The following PARD3B variants were observed in gnomAD, a reference collection of about 807,000 sequenced individuals.
PARD3B encodes the protein partitioning defective 3 homolog B.
Under a neutral mutation model 130.2 loss-of-function variants are expected in PARD3B, and 103 were observed. The ratio of observed to expected loss-of-function variants is 0.79; its 90% CI spans 0.67 to 0.93. The LOEUF (loss-of-function observed/expected upper bound fraction) is 0.93. Ranked by LOEUF, PARD3B falls within the 40% of genes least tolerant of loss-of-function variation. PARD3B has a pLI of 0.00. For synonymous variants in PARD3B, 583 were observed against 553.2 expected, an observed-to-expected ratio of 1.05 and a Z score of -0.76; for missense variants, 1,609 against 1,499.2, an observed-to-expected ratio of 1.07 and a Z score of -1.21.
Position 205,264,861 on chromosome 2 carries a change from T to A in PARD3B, c.2185+19039T>A, listed in dbSNP as rs1267332902. ...AATTTTTCTTGTTATTTGAAAATACTTTTTTTTACACACATACATATAAAT... is the reference window on the plus strand; with the variant it reads ...AATTTTTCTTGTTATTTGAAAATACATTTTTTTACACACATACATATAAAT... On this transcript the variant is annotated intron_variant, in intron 16 of 22. Coordinates refer to ENST00000406610, the MANE Select transcript of PARD3B (RefSeq NM_001302769.2). Among the ~76,000 whole-genome samples the A allele has an allele frequency of 1.3e-5, 2 of 150,890 alleles. 1 individual carries two copies. The highest frequency in any genetic ancestry group is 3.0e-5 in the Non-Finnish European group (2 of 67,552).
rs1396526555 is a variant in PARD3B, at chr2:205,288,398, C to A, written c.2186-12132C>A. Among the ~76,000 whole-genome samples the A allele has an allele frequency of 6.6e-6, 1 of 152,122 alleles. No homozygotes were observed. Among genetic ancestry groups the A allele is most frequent in the Non-Finnish European group, 1.5e-5 (1 of 68,010 alleles). On this transcript the variant is annotated intron_variant, in intron 16 of 22. Coordinates refer to ENST00000406610, the MANE Select transcript of PARD3B (RefSeq NM_001302769.2). The surrounding 1 kb of genome is among the most constrained non-coding windows in gnomAD (Gnocchi z 4.0). ...TGAAATTGTAAAAAGAAAGGAAGAG[C>A]AAGAGATTTTATTAGCAATGAGTTC...
At chr2:204,915,181 G>A (rs1205234789) in intron 2 of PARD3B, among the ~76,000 whole-genome samples, 1 of 152,122 alleles carries the variant, frequency 6.6e-6, no homozygotes, top group East Asian at 1.9e-4. Context: ...AGCTATTCAT[G>A]TGTGAACATA....
chr2:205,273,156 C>T (rs2040806302), intron 16 of PARD3B, among the ~76,000 whole-genome samples: 1 of 152,196 alleles, frequency 6.6e-6, no homozygotes, highest in Non-Finnish European at 1.5e-5. Flanking sequence ...GCAGAAATTT[C>T]ATGAATATTA....
At chr2:204,786,932 T>A (rs1574980867) in intron 2 of PARD3B, among the ~76,000 whole-genome samples, 1 of 152,210 alleles carries the variant, frequency 6.6e-6, no homozygotes, top group South Asian at 2.1e-4. Flanking sequence ...CACTCTGGAA[T>A]AATCGTGACT....
intron 1 of PARD3B, among the ~76,000 whole-genome samples, chr2:204,622,700 A>G (rs1223215739): frequency 2.6e-5 from 4 of 152,128 alleles, no homozygotes; most frequent in African/African-American, 7.2e-5. Flanking sequence ...TAAGAGGGTA[A>G]GTAACATGTC....
chr2:205,141,403 A>T (rs538895547), intron 10 of PARD3B, among the ~76,000 whole-genome samples: 1 of 152,328 alleles, frequency 6.6e-6, no homozygotes, highest in South Asian at 2.1e-4. Context: ...AATTGTTTAG[A>T]TGTTGATGTA....
At chr2:204,779,304 C>T (rs1023151701) in intron 2 of PARD3B, among the ~76,000 whole-genome samples, 2 of 152,014 alleles carry the variant, frequency 1.3e-5, no homozygotes, top group African/African-American at 4.8e-5. Flanking sequence ...ATTGCCAAGT[C>T]CTCAGTGCAG....
At chr2:205,190,746 C>G (rs911809782) in intron 14 of PARD3B, among the ~76,000 whole-genome samples, 5 of 152,142 alleles carry the variant, frequency 3.3e-5, no homozygotes, top group African/African-American at 1.2e-4. Flanking sequence ...CTTTCTGACA[C>G]TAAACCCACA....
chr2:205,536,099 C>T (rs12999401), intron 21 of PARD3B, among the ~76,000 whole-genome samples: 52,814 of 151,874 alleles, frequency 0.35, 10,268 homozygotes, highest in Admixed American at 0.48. Flanking sequence ...TTTGGTTTTC[C>T]TGAGTATCTG....
chr2:205,221,058 T>A (rs1172546767), intron 15 of PARD3B, among the ~76,000 whole-genome samples: 1 of 152,142 alleles, frequency 6.6e-6, no homozygotes, highest in Non-Finnish European at 1.5e-5. Context: ...TAATAAGATT[T>A]TTGTTTTGGT....
intron 11 of PARD3B, among the ~76,000 whole-genome samples, chr2:205,168,320 A>AGAGAGAGAGT (rs371904121): frequency 0.041 from 4,880 of 119,556 alleles, 176 homozygotes; most frequent in African/African-American, 0.084. Flanking sequence ...AGAGAGAGAG[A>AGAGAGAGAGT]GTGTGTGTGT....
At chr2:205,439,914 T>A (rs1014659106) in intron 19 of PARD3B, among the ~76,000 whole-genome samples, 1 of 152,212 alleles carries the variant, frequency 6.6e-6, no homozygotes. Flanking sequence ...TTCCTTTCTT[T>A]AGAAGAATAC....
intron 2 of PARD3B, among the ~76,000 whole-genome samples, chr2:204,781,333 CA>C (rs1249734612): frequency 6.6e-6 from 1 of 151,850 alleles, no homozygotes; most frequent in African/African-American, 2.4e-5. Flanking sequence ...AATATTGGCA[CA>C]AAAAAACATT....
intron 2 of PARD3B, among the ~76,000 whole-genome samples, chr2:204,719,938 C>G (rs2038918150): frequency 6.6e-6 from 1 of 152,172 alleles, no homozygotes; most frequent in Non-Finnish European, 1.5e-5. Context: ...TTCATATCCT[C>G]TCTCCCTGAA....
chr2:204,758,229 A>T (rs546619362), intron 2 of PARD3B, among the ~76,000 whole-genome samples: 6 of 152,116 alleles, frequency 3.9e-5, no homozygotes, highest in Non-Finnish European at 8.8e-5. Flanking sequence ...CAAGAAGGAA[A>T]CCCGAAAGCT....
chr2:204,657,539 A>T (rs928529089), intron 1 of PARD3B, among the ~76,000 whole-genome samples: 2 of 152,094 alleles, frequency 1.3e-5, no homozygotes, highest in African/African-American at 4.8e-5. Flanking sequence ...TCATATCTTA[A>T]TTCCTGCTAG....
At chr2:205,503,436 T>C (rs1352613301) in intron 21 of PARD3B, among the ~76,000 whole-genome samples, 1 of 152,068 alleles carries the variant, frequency 6.6e-6, no homozygotes, top group Non-Finnish European at 1.5e-5. Context: ...ATTTGTTGGA[T>C]TTTTTTCCCC....
chr2:204,743,112 T>C (rs1036917793), intron 2 of PARD3B, among the ~76,000 whole-genome samples: 1 of 152,176 alleles, frequency 6.6e-6, no homozygotes, highest in Non-Finnish European at 1.5e-5. Flanking sequence ...ATGTTATCTT[T>C]AATGTGTTAA....
At position 205,170,791 on chromosome 2, in the gene PARD3B, TC is replaced by T. The variant is rs774442781; in HGVS notation, c.1621-1419del. 4.6e-5 allele frequency among the ~76,000 whole-genome samples: 7 copies of T among 150,818 alleles called. 1 individual carries two copies. Among genetic ancestry groups the T allele is most frequent in the Admixed American group, 6.6e-5 (1 of 15,182 alleles). On this transcript the variant is annotated intron_variant, in intron 11 of 22. Coordinates refer to ENST00000406610, the MANE Select transcript of PARD3B (RefSeq NM_001302769.2). ...CTGGCTATCTCATTTCTTTTTTTTT[TC>T]TTTTACTTTTTTTTTCTTTTACATT...
Sources: gnomAD v4.1 joint callset for allele counts (sites outside exome capture counted in the v4.1 genomes callset) on GRCh38, gnomAD v4.1.1 for gene constraint, Gnocchi (gnomAD v3.1) non-coding constraint, MANE v1.5 for transcripts, NCBI Gene and HGNC (gene_info 2026-07-23, HGNC 2026-07-21) for gene names.